The following FUT9 variants were observed in gnomAD, a reference collection of about 807,000 sequenced individuals.
FUT9 encodes the protein fucosyltransferase 9.
FUT9 carries 15 observed loss-of-function variants against 29.7 expected under a neutral mutation model. The observed-to-expected ratio is 0.51, with a 90% CI of 0.34 to 0.78. The LOEUF is 0.78. FUT9 is among the 30% of genes least tolerant of loss of function. The pLI is 0.01. For missense variants in FUT9, 319 were observed against 425.4 expected, an observed-to-expected ratio of 0.75 and a Z score of 2.20; for synonymous variants, 169 against 153.7, an observed-to-expected ratio of 1.10 and a Z score of -0.74.
chr6:96,027,838 T>G (rs949227723), intron 1 of FUT9, among the ~76,000 whole-genome samples: 3 of 151,666 alleles, frequency 2.0e-5, no homozygotes, highest in Non-Finnish European at 4.4e-5. Flanking sequence ...TTTTGGAAAT[T>G]TAAGAATTCT....
chr6:96,122,007 A>C (rs1054491661), intron 2 of FUT9, among the ~76,000 whole-genome samples: 1 of 152,042 alleles, frequency 6.6e-6, no homozygotes, highest in African/African-American at 2.4e-5. Context: ...GTCTTCAAGC[A>C]GGAGAAGATG....
At chr6:96,119,842 G>A (rs9377386) in intron 2 of FUT9, among the ~76,000 whole-genome samples, 3,841 of 152,150 alleles carry the variant, frequency 0.025, 74 homozygotes, top group East Asian at 0.079. Flanking sequence ...ACTTCTAAGG[G>A]AGCTTATTTT....
At chr6:96,039,123 T>G (rs2127931347) in intron 1 of FUT9, among the ~76,000 whole-genome samples, 1 of 152,262 alleles carries the variant, frequency 6.6e-6, no homozygotes, top group Middle Eastern at 3.4e-3. Context: ...CTTTTGGTAC[T>G]TCTATCACTA....
intron 1 of FUT9, among the ~76,000 whole-genome samples, chr6:96,023,642 G>T (rs1040029305): frequency 6.6e-6 from 1 of 151,890 alleles, no homozygotes; most frequent in African/African-American, 2.4e-5. Context: ...GATACCAAGA[G>T]TTTAATCTGT....
intron 1 of FUT9, among the ~76,000 whole-genome samples, chr6:96,083,876 A>G (rs1771276896): frequency 6.6e-6 from 1 of 152,040 alleles, no homozygotes; most frequent in Admixed American, 6.6e-5. Flanking sequence ...TCTTTCATCT[A>G]TTCTTGATGA....
intron 2 of FUT9, among the ~76,000 whole-genome samples, chr6:96,181,454 T>TC (rs1773306254): frequency 6.6e-6 from 1 of 151,904 alleles, no homozygotes; most frequent in Non-Finnish European, 1.5e-5. Context: ...AATTTTTTTT[T>TC]CATAGGTTAT....
intron 2 of FUT9, among the ~76,000 whole-genome samples, chr6:96,140,570 T>C (rs1772444053): frequency 6.6e-6 from 1 of 152,180 alleles, no homozygotes; most frequent in Non-Finnish European, 1.5e-5. Flanking sequence ...AGAGGTTTAA[T>C]TGACTTACAG....
At chr6:96,017,395 GT>G (rs1339181194) in intron 1 of FUT9, among the ~76,000 whole-genome samples, 1 of 152,098 alleles carries the variant, frequency 6.6e-6, no homozygotes, top group Non-Finnish European at 1.5e-5. Flanking sequence ...CATGTTTACC[GT>G]TTTATTATTT....
intron 2 of FUT9, among the ~76,000 whole-genome samples, chr6:96,116,885 A>C (rs1420593481): frequency 2.0e-5 from 3 of 152,148 alleles, no homozygotes. Flanking sequence ...TGAAAAAATT[A>C]CTGTGCTCAT....
At chr6:96,190,572 A>G (rs991926786) in intron 2 of FUT9, among the ~76,000 whole-genome samples, 8 of 152,176 alleles carry the variant, frequency 5.3e-5, no homozygotes, top group African/African-American at 1.9e-4. Flanking sequence ...GTCTTTCCAC[A>G]TAGTCCCATA....
At chr6:96,129,729 TA>T (rs1772206562) in intron 2 of FUT9, among the ~76,000 whole-genome samples, 1 of 151,970 alleles carries the variant, frequency 6.6e-6, no homozygotes, top group African/African-American at 2.4e-5. Context: ...AATTTGGTAT[TA>T]ATTATTTTAT....
At chr6:96,065,083 AG>A (rs1770940556) in intron 1 of FUT9, among the ~76,000 whole-genome samples, 1 of 152,198 alleles carries the variant, frequency 6.6e-6, no homozygotes, top group Non-Finnish European at 1.5e-5. Flanking sequence ...AACAATGATT[AG>A]TAGAAAGAAC....
Position 96,203,832 on chromosome 6 carries a change from T to G in FUT9, c.677T>G (p.Val226Gly). 6.2e-7 allele frequency: 1 copy of G among 1,611,460 alleles called. No homozygotes were observed. Among genetic ancestry groups the G allele is most frequent in the Non-Finnish European group, 8.5e-7 (1 of 1,177,810 alleles). The change falls in exon 3 of 3, where the codon GTC (valine) becomes GGC (glycine). Residue 226 changes from valine (V) to glycine (G), a missense_variant. Coordinates refer to ENST00000302103, the MANE Select transcript of FUT9 (RefSeq NM_006581.4). ...TACGGGCAAGCATTTGGAGAATATG[T>G]CAATGATAAAAATTTGATTCCTACC... ...HTYGQAFGEY[V>G]NDKNLIPTIS...
In FUT9 at chr6:96,069,833, G is replaced by A. The variant is rs1400606166; in HGVS notation, c.-97-44206G>A. Among the ~76,000 whole-genome samples, 5 of 151,704 alleles carry A rather than the reference G, an allele frequency of 3.3e-5. No individual in the cohort carries two copies. In the East Asian group the frequency reaches 5.8e-4, roughly 18 times the overall value. On this transcript the variant is annotated intron_variant, in intron 1 of 2. Transcript: ENST00000302103. ...TTTTTAGTAGAGATGGGGTTTCGCC[G>A]TGTTAGCCAGGATGGTCTCAATATC... is the stretch of plus-strand genomic sequence containing the variant.
At chr6:96,155,130 A>G (rs1201070489) in intron 2 of FUT9, among the ~76,000 whole-genome samples, 1 of 152,216 alleles carries the variant, frequency 6.6e-6, no homozygotes, top group African/African-American at 2.4e-5. Flanking sequence ...TTACTTCCCT[A>G]TAATGCCTGC....
intron 2 of FUT9, among the ~76,000 whole-genome samples, chr6:96,149,355 CTA>C (rs1772635248): frequency 6.6e-6 from 1 of 151,794 alleles, no homozygotes; most frequent in Admixed American, 6.6e-5. Flanking sequence ...AAAAAAGTCT[CTA>C]TTAGAAACTA....
intron 1 of FUT9, among the ~76,000 whole-genome samples, chr6:96,043,182 G>T (rs547549960): frequency 6.6e-6 from 1 of 152,070 alleles, no homozygotes; most frequent in Non-Finnish European, 1.5e-5. Flanking sequence ...CTCCCGAGTA[G>T]CTGGGACTAC....
intron 2 of FUT9, among the ~76,000 whole-genome samples, chr6:96,127,448 C>A (rs1772154351): frequency 6.6e-6 from 1 of 152,076 alleles, no homozygotes; most frequent in South Asian, 2.1e-4. Context: ...CATTGATGAG[C>A]TTTTAGGTTT....
chr6:96,047,977 T>G (rs75542355), intron 1 of FUT9, among the ~76,000 whole-genome samples: 1,675 of 152,312 alleles, frequency 0.011, 20 homozygotes, highest in Non-Finnish European at 0.016. Context: ...CAGAGTTATA[T>G]CTCTTTCTAG....
Sources: gnomAD v4.1 joint callset for allele counts (sites outside exome capture counted in the v4.1 genomes callset) on GRCh38, gnomAD v4.1.1 for gene constraint, MANE v1.5 for transcripts, NCBI Gene and HGNC (gene_info 2026-07-23, HGNC 2026-07-21) for gene names.